Variants in RBMS3 observed in about 807,000 individuals in gnomAD.
RBMS3 encodes the protein RNA binding motif single stranded interacting protein 3.
RBMS3 carries 27 observed loss-of-function variants against 66.8 expected under a neutral mutation model. The ratio of observed to expected loss-of-function variants is 0.40; its 90% CI spans 0.30 to 0.56. The LOEUF is 0.56. RBMS3 is among the 20% of genes least tolerant of loss of function. The pLI is 0.40. For synonymous variants in RBMS3, 188 were observed against 183.0 expected (o/e 1.03, Z -0.22); for missense variants, 513 against 549.5 (o/e 0.93, Z 0.66).
intron 6 of RBMS3, among the ~76,000 whole-genome samples, chr3:29,847,808 G>C (rs527442061): frequency 6.6e-6 from 1 of 151,958 alleles, no homozygotes; most frequent in Non-Finnish European, 1.5e-5. Context: ...GGCGCTCGCC[G>C]TCACGCCCGG....
At chr3:29,871,625 G>A (rs968411564) in intron 7 of RBMS3, among the ~76,000 whole-genome samples, 3 of 152,112 alleles carry the variant, frequency 2.0e-5, no homozygotes, top group African/African-American at 4.8e-5. Context: ...ATGAAAGATG[G>A]TAGTTTAGAT....
At chr3:29,332,515 C>T (rs561144025) in intron 1 of RBMS3, among the ~76,000 whole-genome samples, 1 of 152,242 alleles carries the variant, frequency 6.6e-6, no homozygotes, top group African/African-American at 2.4e-5. Context: ...TGGAATTACC[C>T]TGGGCACCAA....
intron 1 of RBMS3, among the ~76,000 whole-genome samples, chr3:29,379,368 T>G (rs1198134530): frequency 6.6e-6 from 1 of 152,136 alleles, no homozygotes; most frequent in Non-Finnish European, 1.5e-5. Flanking sequence ...AATGGGTCTT[T>G]TATTTTAGAT....
chr3:29,621,194 T>TA (rs1345178468), intron 4 of RBMS3, among the ~76,000 whole-genome samples: 1 of 151,956 alleles, frequency 6.6e-6, no homozygotes, highest in Non-Finnish European at 1.5e-5. Context: ...CTTCTTTTTT[T>TA]TTTTTGCTTT....
chr3:29,555,780 C>G (rs922749912), intron 3 of RBMS3, among the ~76,000 whole-genome samples: 1 of 152,178 alleles, frequency 6.6e-6, no homozygotes, highest in African/African-American at 2.4e-5. Flanking sequence ...CTCACTCAGA[C>G]ATAGACCAGG....
At chr3:29,681,033 T>A (rs2051463955) in intron 4 of RBMS3, among the ~76,000 whole-genome samples, 1 of 152,206 alleles carries the variant, frequency 6.6e-6, no homozygotes, top group African/African-American at 2.4e-5. Context: ...CCTCTGATAC[T>A]TTTCTTAATT....
At chr3:29,846,606 G>T (rs1022213262) in intron 6 of RBMS3, among the ~76,000 whole-genome samples, 2 of 152,114 alleles carry the variant, frequency 1.3e-5, no homozygotes, top group South Asian at 4.1e-4. Flanking sequence ...GCTATTCAGC[G>T]ATGTGATGAC....
intron 6 of RBMS3, among the ~76,000 whole-genome samples, chr3:29,807,877 T>C (rs1306119836): frequency 6.6e-6 from 1 of 151,924 alleles, no homozygotes; most frequent in Admixed American, 6.6e-5. Flanking sequence ...AATTGTTTTC[T>C]TCCTCTTTTT....
At chr3:29,927,457 A>T (rs1018427772) in intron 10 of RBMS3, among the ~76,000 whole-genome samples, 1 of 152,202 alleles carries the variant, frequency 6.6e-6, no homozygotes, top group Non-Finnish European at 1.5e-5. Flanking sequence ...TGCTAATGAT[A>T]CCAGTGAACT....
At chr3:29,710,703 G>A (rs1017565356) in intron 4 of RBMS3, among the ~76,000 whole-genome samples, 4 of 151,914 alleles carry the variant, frequency 2.6e-5, no homozygotes, top group African/African-American at 7.3e-5. Context: ...CAGTTTAACT[G>A]TCAGGCCATG....
intron 1 of RBMS3, among the ~76,000 whole-genome samples, chr3:29,292,078 T>C (rs1440732489): frequency 1.3e-5 from 2 of 151,870 alleles, no homozygotes; most frequent in African/African-American, 4.8e-5. Flanking sequence ...AATTCTCTCA[T>C]AATCACCCTA....
intron 10 of RBMS3, among the ~76,000 whole-genome samples, chr3:29,934,361 A>G (rs1453161485): frequency 6.6e-6 from 1 of 151,974 alleles, no homozygotes; most frequent in Non-Finnish European, 1.5e-5. Context: ...TTATTCTATA[A>G]TTTATCCCTA....
At chr3:29,943,593 A>G (rs1173769527) in intron 11 of RBMS3, among the ~76,000 whole-genome samples, 1 of 151,782 alleles carries the variant, frequency 6.6e-6, no homozygotes, top group Non-Finnish European at 1.5e-5. Flanking sequence ...GTCACGTTCA[A>G]TAGATTCTGT....
chr3:29,516,751 T>C (rs1198808843), intron 3 of RBMS3, among the ~76,000 whole-genome samples: 1 of 152,000 alleles, frequency 6.6e-6, no homozygotes, highest in Non-Finnish European at 1.5e-5. Flanking sequence ...AAGCTGAAAA[T>C]ATCAGAGAAA....
intron 4 of RBMS3, among the ~76,000 whole-genome samples, chr3:29,657,845 C>T (rs2050380065): frequency 6.6e-6 from 1 of 152,096 alleles, no homozygotes; most frequent in African/African-American, 2.4e-5. Flanking sequence ...ACACATTCAC[C>T]CAAACTGTTA....
At chr3:29,886,425 C>A (rs1292003833) in intron 8 of RBMS3, among the ~76,000 whole-genome samples, 1 of 151,732 alleles carries the variant, frequency 6.6e-6, no homozygotes, top group Non-Finnish European at 1.5e-5. Flanking sequence ...CTGTCTTTGT[C>A]CAGCTAGGAC....
At chr3:29,329,775 G>GC (rs2035542754) in intron 1 of RBMS3, among the ~76,000 whole-genome samples, 2 of 149,120 alleles carry the variant, frequency 1.3e-5, no homozygotes, top group African/African-American at 4.9e-5. Context: ...TTCCTGACAT[G>GC]GAAAAAATCA....
At chr3:29,734,412 A>C (rs2054286324) in intron 4 of RBMS3, among the ~76,000 whole-genome samples, 1 of 152,130 alleles carries the variant, frequency 6.6e-6, no homozygotes, top group Admixed American at 6.5e-5. Context: ...GAATGTTCCC[A>C]ACACAAAGAA....
intron 3 of RBMS3, among the ~76,000 whole-genome samples, chr3:29,510,100 A>G (rs1321180589): frequency 6.6e-6 from 1 of 152,200 alleles, no homozygotes; most frequent in Non-Finnish European, 1.5e-5. Flanking sequence ...TGGACTCCAT[A>G]CTTTTGCAGA....
Sources: allele counts gnomAD v4.1 joint callset (sites outside exome capture counted in the v4.1 genomes callset), GRCh38; gene constraint gnomAD v4.1.1; transcripts MANE v1.5; gene names NCBI Gene and HGNC (gene_info 2026-07-23, HGNC 2026-07-21).